Variants in IWS1 observed in about 807,000 individuals in gnomAD.
The protein encoded by IWS1 is protein IWS1 homolog.
IWS1 carries 27 observed loss-of-function variants against 86.7 expected under a neutral mutation model. The ratio of observed to expected loss-of-function variants is 0.31; its 90% confidence interval spans 0.23 to 0.43. The LOEUF is 0.43. Among genes scored for constraint, IWS1 ranks in the 20% least tolerant of loss-of-function variants. The pLI, the probability that IWS1 is intolerant of heterozygous loss-of-function variation, is 1.00. For missense variants in IWS1, 827 were observed against 1,000.8 expected, an observed-to-expected ratio of 0.83 and a Z score of 2.34; for synonymous variants, 313 against 335.1, an observed-to-expected ratio of 0.93 and a Z score of 0.72.
chr2:127,482,191 T>C (rs1215814772), intron 13 of IWS1: 1 of 152,096 alleles, frequency 6.6e-6, no homozygotes, highest in Non-Finnish European at 1.5e-5. Flanking sequence ...AATGCTAAAA[T>C]AAGGTAGGGC....
Position 127,500,278 on chromosome 2 carries a change from C to T in IWS1, c.1468-2041G>A, listed in dbSNP as rs934377255. On this transcript the variant is annotated intron_variant, in intron 5 of 13. Coordinates refer to ENST00000295321, the MANE Select transcript of IWS1 (RefSeq NM_017969.3). ...TTCGTAATTGCCAAAGAGGATTATA[C>T]GTGGATTATATAGAGACTGTTCCCT... Among the ~76,000 whole-genome samples the T allele has an allele frequency of 7.2e-5, 11 of 152,238 alleles. No homozygotes were observed. In the East Asian group the frequency reaches 1.5e-3, roughly 21 times the overall value.
In IWS1 at chr2:127,526,422, G is replaced by T; in HGVS notation, c.-214C>A. The T allele has an allele frequency of 2.6e-6, 4 of 1,536,110 alleles. No individual in the cohort carries two copies. The highest frequency in any genetic ancestry group is 3.5e-6 in the Non-Finnish European group (4 of 1,145,100). On this transcript the variant is annotated 5_prime_UTR_variant, in exon 1 of 14. Transcript: ENST00000295321. ...GGAAAAGGCCGTACCCGGCAGGCTG[G>T]CGGGCGGGCAGGCATGCGAGCCGGC...
chr2:127,495,957 T>C (rs993474315), intron 7 of IWS1, 41 bp downstream of exon 7: 2 of 1,530,678 alleles, frequency 1.3e-6, no homozygotes, highest in Non-Finnish European at 1.8e-6. Context: ...ATAAACTCAG[T>C]GGGAGGAAAA....
intron 2 of IWS1, among the ~76,000 whole-genome samples, chr2:127,522,607 C>G (rs1692159595): frequency 6.6e-6 from 1 of 152,188 alleles, no homozygotes; most frequent in Non-Finnish European, 1.5e-5. Context: ...AGGACAGAGT[C>G]AATATAATCT....
At position 127,505,549 on chromosome 2, in the gene IWS1, G is replaced by T; in HGVS notation, c.354C>A (p.Ser118Arg). Residue 118 changes from serine (S) to arginine (R), a missense_variant, in exon 3 of 14, where the codon AGC becomes AGA. Physicochemically the swap from Ser to Arg is moderately radical, Grantham distance 110. Transcript: ENST00000295321. This position sits in a 1 kb window ranked among gnomAD's most constrained non-coding sequence, Gnocchi z 5.0. ...SENEDVNQHG[S>R]DSESEETRKL... is the part of the protein sequence containing the mutation. Reference sequence around the variant, plus strand: ...TCCTGGTCTCTTCACTCTCAGAGTCGCTCCCATGCTGATTGACATCCTCAT... The same window carrying T: ...TCCTGGTCTCTTCACTCTCAGAGTCTCTCCCATGCTGATTGACATCCTCAT... 6.2e-7 allele frequency: 1 copy of T among 1,613,828 alleles called. No individual in the cohort carries two copies. Among genetic ancestry groups the T allele is most frequent in the Non-Finnish European group, 8.5e-7 (1 of 1,179,960 alleles).
chr2:127,489,349 G>T lies in IWS1; in HGVS notation c.2160-114C>A. Reference sequence around the variant, plus strand: ...AACTATTAATAGCTCTTTTACGATGGATCAGGGAAAATAATTCCTAATCTT... The same window carrying T: ...AACTATTAATAGCTCTTTTACGATGTATCAGGGAAAATAATTCCTAATCTT... On this transcript the variant is annotated intron_variant, in intron 11 of 13. Coordinates refer to ENST00000295321, the MANE Select transcript of IWS1 (RefSeq NM_017969.3). This position sits in a 1 kb window ranked among gnomAD's most constrained non-coding sequence, Gnocchi z 4.8. 1.5e-6 allele frequency: 1 copy of T among 687,388 alleles called. No homozygotes were observed. The highest frequency in any genetic ancestry group is 2.9e-5 in the Admixed American group (1 of 34,616). The allele number at this position is 687,388 out of a possible 1,614,324, so 42.6% of individuals were successfully genotyped here.
chr2:127,507,968 G>A (rs148201282), intron 2 of IWS1, among the ~76,000 whole-genome samples: 268 of 152,182 alleles, frequency 1.8e-3, no homozygotes, highest in African/African-American at 6.2e-3. Flanking sequence ...TTTAGACTTG[G>A]GTTCCATCGC....
chr2:127,496,243 A>G (rs1034509078), intron 6 of IWS1, 95 bp from the exon 7 acceptor site: 5 of 1,315,228 alleles, frequency 3.8e-6, no homozygotes, highest in Non-Finnish European at 5.2e-6. Flanking sequence ...TCTTAATTCT[A>G]ACTCAATGAA....
At chr2:127,482,874 T>C (rs1689705645) in intron 13 of IWS1, 1 of 152,122 alleles carries the variant, frequency 6.6e-6, no homozygotes, top group Admixed American at 6.5e-5. Flanking sequence ...CTACACTGCT[T>C]TACCAGAGCA....
Position 127,486,946 on chromosome 2 carries a change from C to G in IWS1, c.2217-282G>C, listed in dbSNP as rs149032458. Reference sequence around the variant, plus strand: ...CTCCTCAGCTTCAGATATACTCATGCCCCTCTGCCTTCCAAGGCTAGTCCC... The same window carrying G: ...CTCCTCAGCTTCAGATATACTCATGGCCCTCTGCCTTCCAAGGCTAGTCCC... On this transcript the variant is annotated intron_variant, in intron 12 of 13. Coordinates refer to ENST00000295321, the MANE Select transcript of IWS1 (RefSeq NM_017969.3). Among the ~76,000 whole-genome samples the G allele has an allele frequency of 6.5e-4, 99 of 152,308 alleles. 3 individuals carry two copies. In the East Asian group the frequency reaches 0.016, roughly 25 times the overall value.
chr2:127,503,557 A>T lies in IWS1; in HGVS notation c.1239T>A (p.Val413=), dbSNP rs138366331. The T allele has an allele frequency of 3.6e-5, 58 of 1,593,890 alleles. No homozygotes were observed. Among genetic ancestry groups the T allele is most frequent in the Non-Finnish European group, 4.7e-5 (55 of 1,170,256 alleles). ...EEKASAKKSR[V]VSDADDSDSD... is the part of the protein sequence containing the mutation. ...TGTCAGAGTCATCTGCATCAGAGAC[A>T]ACACGACTCTTCTTTGCTGCTGTTG... Residue 413 remains valine (V), a synonymous_variant, in exon 4 of 14, where the codon GTT becomes GTA. Coordinates refer to ENST00000295321, the MANE Select transcript of IWS1 (RefSeq NM_017969.3).
At position 127,489,843 on chromosome 2, in the gene IWS1, T is replaced by C. The variant is rs1486218158; in HGVS notation, c.2148A>G (p.Arg716=). The change falls in exon 11 of 14, where the codon CGA becomes CGG. Residue 716 remains arginine (R), a synonymous_variant. Coordinates refer to ENST00000295321, the MANE Select transcript of IWS1 (RefSeq NM_017969.3). The surrounding 1 kb of genome is among the most constrained non-coding windows in gnomAD (Gnocchi z 4.8). Reference sequence around the variant, plus strand: ...CTGTTCCCTCATACCTGTTCATTCTTCGTCGTTGAGGCATCTGTTCTAGAT... The same window carrying C: ...CTGTTCCCTCATACCTGTTCATTCTCCGTCGTTGAGGCATCTGTTCTAGAT... The part of the protein sequence containing the change: ...QRDLEQMPQR[R]RMNSTGGQTP... 2 of 1,593,562 alleles carry C rather than the reference T, an allele frequency of 1.3e-6. No individual in the cohort carries two copies. Among genetic ancestry groups the C allele is most frequent in the Admixed American group, 3.3e-5 (2 of 59,998 alleles).
rs1293768250 is a variant in IWS1 at position 127,499,633 on chromosome 2, A to AT, written c.1468-1397dup. Among the ~76,000 whole-genome samples, 2 of 152,174 alleles carry AT rather than the reference A, an allele frequency of 1.3e-5. No homozygotes were observed. Among genetic ancestry groups the AT allele is most frequent in the African/African-American group, 4.8e-5 (2 of 41,446 alleles). On this transcript the variant is annotated intron_variant, in intron 5 of 13. Coordinates refer to ENST00000295321, the MANE Select transcript of IWS1 (RefSeq NM_017969.3). The surrounding 1 kb of genome is among the most constrained non-coding windows in gnomAD (Gnocchi z 4.0). ...GTCCAGTCTCTGAAACATTTGTTGA[A>AT]TGAATTCTTCCTTTATATTTTTCTC... is the stretch of plus-strand genomic sequence containing the variant.
intron 13 of IWS1, among the ~76,000 whole-genome samples, chr2:127,483,600 T>TGGGGGGGGGGGGGG (rs1558736829): frequency 5.1e-4 from 3 of 5,878 alleles, no homozygotes; most frequent in African/African-American, 1.2e-3. Flanking sequence ...GTGGGGGGGT[T>TGGGGGGGGGGGGGG]GGGCTGTGTG....
rs1403909703 is a variant in IWS1, at chr2:127,498,122, C to T, written c.1565+18G>A. Reference sequence around the variant, plus strand: ...TTTTTAAACTTCTCTTTAACAAATTCCTTAAAAACAAACTTACTGTTTTCC... The same window carrying T: ...TTTTTAAACTTCTCTTTAACAAATTTCTTAAAAACAAACTTACTGTTTTCC... On this transcript the variant is annotated intron_variant, in intron 6 of 13. Coordinates refer to ENST00000295321, the MANE Select transcript of IWS1 (RefSeq NM_017969.3). 2 of 1,546,004 alleles carry T rather than the reference C, an allele frequency of 1.3e-6. No individual in the cohort carries two copies. The highest frequency in any genetic ancestry group is 1.7e-5 in the Admixed American group (1 of 57,946).
chr2:127,496,602 G>T (rs1240116915), intron 6 of IWS1, among the ~76,000 whole-genome samples: 5 of 138,868 alleles, frequency 3.6e-5, no homozygotes, highest in Non-Finnish European at 6.4e-5. Flanking sequence ...AAAGAGTTGG[G>T]GTGTTGCTCT....
chr2:127,523,715 G>A lies in IWS1; in HGVS notation c.111C>T (p.His37=). 1 of 1,613,932 alleles carries A rather than the reference G, an allele frequency of 6.2e-7. No homozygotes were observed. The part of the protein sequence containing the change: ...SDGEDDVNEQ[H]SGSDTGSVER... ...CTACACTTCCAGTGTCTGATCCGGA[G>A]TGTTGCTCATTTACATCATCCTCAC... is the stretch of plus-strand genomic sequence containing the variant. The change falls in exon 2 of 14, where the codon CAC becomes CAT. Residue 37 remains histidine (H), a synonymous_variant. Coordinates refer to ENST00000295321, the MANE Select transcript of IWS1 (RefSeq NM_017969.3).
chr2:127,497,203 T>C (rs1421347414), intron 6 of IWS1, among the ~76,000 whole-genome samples: 1 of 152,242 alleles, frequency 6.6e-6, no homozygotes, highest in Non-Finnish European at 1.5e-5. Flanking sequence ...TACCCTGTTA[T>C]ATATACACAT....
At chr2:127,493,857 C>G (rs1488088681) in intron 8 of IWS1, among the ~76,000 whole-genome samples, 1 of 140,314 alleles carries the variant, frequency 7.1e-6, no homozygotes, top group Non-Finnish European at 1.5e-5. Flanking sequence ...AAAAAAAACT[C>G]AATAAAATAA....
Sources: gnomAD v4.1 joint callset for allele counts (sites outside exome capture counted in the v4.1 genomes callset) on GRCh38, gnomAD v4.1.1 for gene constraint, Gnocchi (gnomAD v3.1) non-coding constraint, MANE v1.5 for transcripts, NCBI Gene and HGNC (gene_info 2026-07-23, HGNC 2026-07-21) for gene names.